SPIDR: variants seen among roughly 807,000 people sequenced by gnomAD.
SPIDR encodes DNA repair-scaffolding protein.
In SPIDR, 93 loss-of-function variants were observed where a neutral mutation model predicts 104.6. The observed-to-expected ratio is 0.89, with a 90% CI of 0.75 to 1.06. The LOEUF (loss-of-function observed/expected upper bound fraction) is 1.06, where lower values mean the gene tolerates loss of function less well. Among genes scored for constraint, SPIDR ranks in the 50% least tolerant of loss-of-function variants. SPIDR has a pLI of 0.00. For synonymous variants in SPIDR, 431 were observed against 416.9 expected (o/e 1.03, Z -0.41); for missense variants, 1,154 against 1,111.2 (o/e 1.04, Z -0.55).
chr8:47,355,113 G>A (rs1248179929), intron 5 of SPIDR, among the ~76,000 whole-genome samples: 12 of 151,796 alleles, frequency 7.9e-5, no homozygotes, highest in African/African-American at 1.2e-4. Flanking sequence ...CCGCCACCAC[G>A]CCTAAATAAT....
chr8:47,547,006 T>A (rs1385420264), intron 8 of SPIDR: 1 of 508,424 alleles, frequency 2.0e-6, no homozygotes, highest in Non-Finnish European at 3.9e-6. Context: ...TCTCTGTGGG[T>A]AATGACACCA....
intron 8 of SPIDR, among the ~76,000 whole-genome samples, chr8:47,555,824 T>A (rs922351923): frequency 2.0e-5 from 3 of 152,198 alleles, no homozygotes; most frequent in Non-Finnish European, 2.9e-5. Flanking sequence ...CACAGTAGCA[T>A]GGAAATAATA....
At chr8:47,564,096 T>G (rs1439542601) in intron 8 of SPIDR, among the ~76,000 whole-genome samples, 2 of 144,938 alleles carry the variant, frequency 1.4e-5, no homozygotes, top group East Asian at 2.0e-4. Flanking sequence ...TTTTTTTTTT[T>G]TGAGGCGGAG....
chr8:47,733,601 C>G (rs561233348), intron 19 of SPIDR, among the ~76,000 whole-genome samples: 2 of 151,636 alleles, frequency 1.3e-5, no homozygotes, highest in Admixed American at 1.3e-4. Context: ...GCATATGCCG[C>G]CTCCACCCTC....
chr8:47,501,039 A>G (rs1408780679), intron 8 of SPIDR, among the ~76,000 whole-genome samples: 1 of 152,208 alleles, frequency 6.6e-6, no homozygotes, highest in Non-Finnish European at 1.5e-5. Flanking sequence ...TGTTTTGGTT[A>G]CTGTGGCCTT....
At chr8:47,619,248 T>C (rs2064785917) in intron 10 of SPIDR, among the ~76,000 whole-genome samples, 1 of 152,204 alleles carries the variant, frequency 6.6e-6, no homozygotes. Flanking sequence ...TCTTTTTAGG[T>C]GGTAGGATTA....
intron 7 of SPIDR, among the ~76,000 whole-genome samples, chr8:47,413,973 G>A (rs2063875396): frequency 6.6e-6 from 1 of 152,126 alleles, no homozygotes; most frequent in Non-Finnish European, 1.5e-5. Flanking sequence ...GGATTGAGGA[G>A]TTAGCAAAAT....
At chr8:47,290,396 T>C (rs1403468750) in intron 3 of SPIDR, among the ~76,000 whole-genome samples, 1 of 152,210 alleles carries the variant, frequency 6.6e-6, no homozygotes, top group Non-Finnish European at 1.5e-5. Context: ...CCTGTGGTGA[T>C]AGAATTGATC....
chr8:47,537,140 G>A lies in SPIDR; in HGVS notation c.1098-58671G>A, dbSNP rs571678874. Among the ~76,000 whole-genome samples, 53 of 152,304 alleles carry A rather than the reference G, an allele frequency of 3.5e-4. 1 individual carries two copies. The highest frequency in any genetic ancestry group is 6.8e-4 in the Non-Finnish European group (46 of 68,016). On this transcript the variant is annotated intron_variant, in intron 8 of 19. Transcript: ENST00000297423. The stretch of plus-strand genomic sequence containing the variant: ...AAGTGCAAATTGGAACAGCCACTTT[G>A]GAAGGCACTTCAGCACTTTGTTACA...
At chr8:47,534,339 T>C (rs923021763) in intron 8 of SPIDR, among the ~76,000 whole-genome samples, 1 of 152,216 alleles carries the variant, frequency 6.6e-6, no homozygotes, top group South Asian at 2.1e-4. Flanking sequence ...TGTGAATGTT[T>C]ATTGCAGCAC....
intron 5 of SPIDR, among the ~76,000 whole-genome samples, chr8:47,325,140 T>C (rs1298858938): frequency 6.6e-6 from 1 of 152,158 alleles, no homozygotes; most frequent in African/African-American, 2.4e-5. Flanking sequence ...TAGCCTATAA[T>C]AGTGCTATAA....
intron 10 of SPIDR, among the ~76,000 whole-genome samples, chr8:47,657,006 G>T (rs1443495800): frequency 1.3e-5 from 2 of 152,180 alleles, no homozygotes; most frequent in Non-Finnish European, 2.9e-5. Flanking sequence ...GGGACTCAGG[G>T]GAGGGGAGAA....
intron 7 of SPIDR, among the ~76,000 whole-genome samples, chr8:47,429,659 C>G (rs750329955): frequency 6.6e-5 from 10 of 152,098 alleles, no homozygotes; most frequent in Non-Finnish European, 1.5e-4. Flanking sequence ...AGTGTTGGTT[C>G]TGGTCCAAAC....
intron 5 of SPIDR, among the ~76,000 whole-genome samples, chr8:47,376,429 G>A (rs965054081): frequency 2.0e-4 from 31 of 152,124 alleles, no homozygotes; most frequent in Admixed American, 1.4e-3. Context: ...TATAGAACCC[G>A]GTCATGTCAT....
chr8:47,602,247 G>A (rs1381809737), intron 10 of SPIDR, among the ~76,000 whole-genome samples: 1 of 152,158 alleles, frequency 6.6e-6, no homozygotes, highest in Non-Finnish European at 1.5e-5. Context: ...GACAAAGTTG[G>A]GCTCAGTTAG....
intron 8 of SPIDR, among the ~76,000 whole-genome samples, chr8:47,489,634 G>A (rs1396959110): frequency 6.6e-6 from 1 of 152,174 alleles, no homozygotes; most frequent in Non-Finnish European, 1.5e-5. Flanking sequence ...AAACAGCATG[G>A]TACTGGTACC....
At chr8:47,339,197 G>C (rs2050282824) in intron 5 of SPIDR, among the ~76,000 whole-genome samples, 1 of 152,166 alleles carries the variant, frequency 6.6e-6, no homozygotes, top group Non-Finnish European at 1.5e-5. Flanking sequence ...TGGAAGTTTA[G>C]CGATTTTCTG....
At chr8:47,486,183 G>A (rs533784459) in intron 8 of SPIDR, among the ~76,000 whole-genome samples, 45 of 152,160 alleles carry the variant, frequency 3.0e-4, no homozygotes, top group African/African-American at 9.9e-4. Context: ...TGAAAACCAC[G>A]GCACAAGAAC....
At chr8:47,667,782 G>C (rs2075178975) in intron 10 of SPIDR, 1 of 152,094 alleles carries the variant, frequency 6.6e-6, no homozygotes, top group Non-Finnish European at 1.5e-5. Context: ...TGCTCACTTT[G>C]GCAGCACGTA....
Sources: allele counts gnomAD v4.1 joint callset (sites outside exome capture counted in the v4.1 genomes callset), GRCh38; gene constraint gnomAD v4.1.1; transcripts MANE v1.5; gene names NCBI Gene and HGNC (gene_info 2026-07-23, HGNC 2026-07-21).